The following NTRK3 variants were observed in gnomAD, a reference collection of about 807,000 sequenced individuals.
NTRK3 encodes the protein neurotrophic receptor tyrosine kinase 3, also known as NT-3 growth factor receptor.
A neutral mutation model predicts 91.7 loss-of-function variants in NTRK3; 24 were observed. The observed-to-expected ratio is 0.26, with a 90% CI of 0.19 to 0.37. The LOEUF (loss-of-function observed/expected upper bound fraction) is 0.37, where lower values mean the gene tolerates loss of function less well. NTRK3 is among the 10% of genes least tolerant of loss of function. NTRK3 has a pLI of 1.00. For missense variants in NTRK3, 880 were observed against 1,068.9 expected (o/e 0.82, Z 2.46); for synonymous variants, 483 against 404.0 (o/e 1.20, Z -2.34).
intron 5 of NTRK3, among the ~76,000 whole-genome samples, chr15:88,178,038 CCTTA>C (rs1440646563): frequency 6.6e-6 from 1 of 152,188 alleles, no homozygotes; most frequent in Non-Finnish European, 1.5e-5. Flanking sequence ...AGCCCATGCT[CCTTA>C]CTGTCAGCTA....
intron 3 of NTRK3, among the ~76,000 whole-genome samples, chr15:88,191,660 C>A (rs766900999): frequency 1.9e-4 from 29 of 152,362 alleles, no homozygotes; most frequent in Non-Finnish European, 3.7e-4. Flanking sequence ...GACTCCGAAG[C>A]CTTGTAGGGC....
At chr15:87,965,446 A>G (rs1184227087) in intron 14 of NTRK3, among the ~76,000 whole-genome samples, 2 of 152,206 alleles carry the variant, frequency 1.3e-5, no homozygotes, top group Non-Finnish European at 2.9e-5. Context: ...CACGGCATCC[A>G]GAAAGCTGCA....
chr15:88,126,175 T>C, intron 13 of NTRK3, 96 bp downstream of exon 13: 1 of 926,706 alleles, frequency 1.1e-6, no homozygotes, highest in Admixed American at 2.0e-5. Flanking sequence ...CCGGAGGCCC[T>C]CTCAGAGAGC....
At chr15:87,966,292 C>A (rs1487983026) in intron 14 of NTRK3, among the ~76,000 whole-genome samples, 2 of 152,214 alleles carry the variant, frequency 1.3e-5, no homozygotes, top group African/African-American at 4.8e-5. Flanking sequence ...ATAAATCAAG[C>A]TAACACACTA....
At chr15:87,930,981 TGCTGTCTGCCATGGAGAA>T (rs1191787380) in intron 16 of NTRK3, 6 of 298,464 alleles carry the variant, frequency 2.0e-5, no homozygotes, top group Non-Finnish European at 4.0e-5. Flanking sequence ...GCATTCCCCA[TGCTGTCTGCCATGGAGAA>T]GGCAAGGCAC....
intron 14 of NTRK3, among the ~76,000 whole-genome samples, chr15:87,947,984 C>T (rs751883572): frequency 2.0e-5 from 3 of 152,018 alleles, no homozygotes; most frequent in Non-Finnish European, 4.4e-5. Context: ...TGCCTGGGCT[C>T]AAGATATAAA....
At chr15:88,150,818 T>C (rs1018774934) in intron 5 of NTRK3, among the ~76,000 whole-genome samples, 3 of 152,148 alleles carry the variant, frequency 2.0e-5, no homozygotes, top group South Asian at 2.1e-4. Flanking sequence ...AGAGCATGCC[T>C]CTGGCCACCC....
chr15:88,144,868 G>A (rs1379074234), intron 6 of NTRK3, among the ~76,000 whole-genome samples: 1 of 152,184 alleles, frequency 6.6e-6, no homozygotes, highest in East Asian at 1.9e-4. Flanking sequence ...TACTGGGCGA[G>A]GGGCTGGTTG....
At chr15:88,102,381 C>T (rs865995828) in intron 13 of NTRK3, among the ~76,000 whole-genome samples, 1 of 152,124 alleles carries the variant, frequency 6.6e-6, no homozygotes, top group Non-Finnish European at 1.5e-5. Context: ...GAAAAAGAAA[C>T]TTGCAGGAAT....
chr15:88,056,202 A>ATTT (rs59829232), intron 13 of NTRK3, among the ~76,000 whole-genome samples: 10 of 104,864 alleles, frequency 9.5e-5, no homozygotes, highest in African/African-American at 3.8e-4. Flanking sequence ...ATATATATAT[A>ATTT]TTTTTTTTTT....
At chr15:88,223,116 G>A (rs1046168155) in intron 3 of NTRK3, among the ~76,000 whole-genome samples, 3 of 152,170 alleles carry the variant, frequency 2.0e-5, no homozygotes, top group African/African-American at 7.2e-5. Flanking sequence ...GGCTCGGGAG[G>A]CGGGTGGGAT....
intron 13 of NTRK3, among the ~76,000 whole-genome samples, chr15:88,108,767 G>C (rs943718165): frequency 6.6e-6 from 1 of 152,218 alleles, no homozygotes; most frequent in Non-Finnish European, 1.5e-5. Context: ...GCTAAGCCAA[G>C]TGTGGCTAGC....
intron 14 of NTRK3, among the ~76,000 whole-genome samples, chr15:88,026,899 G>A (rs1023126749): frequency 6.6e-6 from 1 of 152,142 alleles, no homozygotes; most frequent in South Asian, 2.1e-4. Flanking sequence ...ATTCTATGGA[G>A]AATTCAGAGA....
At chr15:87,889,813 A>C (rs2065757123) in intron 17 of NTRK3, among the ~76,000 whole-genome samples, 1 of 152,252 alleles carries the variant, frequency 6.6e-6, no homozygotes, top group African/African-American at 2.4e-5. Flanking sequence ...AATACCATTC[A>C]GTGTCAAAAG....
chr15:88,230,682 C>A (rs2141718688), intron 3 of NTRK3, among the ~76,000 whole-genome samples: 1 of 152,312 alleles, frequency 6.6e-6, no homozygotes, highest in Middle Eastern at 3.4e-3. Context: ...AGGCCCGATT[C>A]TACCTACAGA....
chr15:87,958,792 C>T (rs1308529705), intron 14 of NTRK3, among the ~76,000 whole-genome samples: 1 of 152,028 alleles, frequency 6.6e-6, no homozygotes, highest in African/African-American at 2.4e-5. Context: ...TCTCCCACCC[C>T]TCTCTTCCAT....
Position 88,237,476 on chromosome 15 carries a change from G to A in NTRK3, c.248+18430C>T, listed in dbSNP as rs969287682. ...GCCTAACATGGTTACTGACACAAGT[G>A]TGGTGCTCACTGGTAGCTGTTGAAA... On this transcript the variant is annotated intron_variant, in intron 3 of 18. Transcript: ENST00000394480. This position sits in a 1 kb window ranked among gnomAD's most constrained non-coding sequence, Gnocchi z 4.0. Among the ~76,000 whole-genome samples, 5 of 152,336 alleles carry A rather than the reference G, an allele frequency of 3.3e-5. No homozygotes were observed. Among genetic ancestry groups the A allele is most frequent in the Non-Finnish European group, 5.9e-5 (4 of 68,036 alleles).
At chr15:87,901,342 G>A (rs1295570186) in intron 17 of NTRK3, among the ~76,000 whole-genome samples, 1 of 152,232 alleles carries the variant, frequency 6.6e-6, no homozygotes, top group Non-Finnish European at 1.5e-5. Context: ...AAAAAATATA[G>A]AAGGGGAATT....
chr15:88,056,455 C>T (rs1478698393), intron 13 of NTRK3, among the ~76,000 whole-genome samples: 1 of 152,002 alleles, frequency 6.6e-6, no homozygotes, highest in East Asian at 1.9e-4. Flanking sequence ...CTATGGTTAA[C>T]AGTACTTATG....
Sources: allele counts gnomAD v4.1 joint callset (sites outside exome capture counted in the v4.1 genomes callset), GRCh38; gene constraint gnomAD v4.1.1; non-coding constraint Gnocchi (gnomAD v3.1); transcripts MANE v1.5; gene names NCBI Gene and HGNC (gene_info 2026-07-23, HGNC 2026-07-21).